TES: variants seen among roughly 807,000 people sequenced by gnomAD.
TES encodes the protein testin.
A neutral mutation model predicts 48.2 loss-of-function variants in TES; 41 were observed. That is an observed-to-expected ratio of 0.85 (90% CI 0.66 to 1.10). The LOEUF is 1.10. TES is among the 50% of genes least tolerant of loss of function. TES has a pLI of 0.00. For missense variants in TES, 463 were observed against 515.1 expected, an observed-to-expected ratio of 0.90 and a Z score of 0.98; for synonymous variants, 162 against 174.9, an observed-to-expected ratio of 0.93 and a Z score of 0.58.
At chr7:116,234,840 T>A (rs1461724937) in intron 2 of TES, among the ~76,000 whole-genome samples, 2 of 152,260 alleles carry the variant, frequency 1.3e-5, no homozygotes, top group Admixed American at 6.5e-5. Context: ...GTTGTTGGAT[T>A]TGCTTGCTGT....
intron 4 of TES, among the ~76,000 whole-genome samples, chr7:116,251,080 C>G (rs573789961): frequency 6.6e-6 from 1 of 152,090 alleles, no homozygotes; most frequent in Non-Finnish European, 1.5e-5. Flanking sequence ...AGTTAGCACA[C>G]CAACCAATAA....
In TES at chr7:116,234,635, C is replaced by T; in HGVS notation, c.113+16C>T. On this transcript the variant is annotated intron_variant, in intron 2 of 6. Coordinates refer to ENST00000358204, the MANE Select transcript of TES (RefSeq NM_015641.4). ...ACTTCTGGAGGTATTGTTTTGAAAA[C>T]TGCAACCACATTAGTAATTTATACT... The T allele has an allele frequency of 6.3e-7, 1 of 1,599,886 alleles. No individual in the cohort carries two copies. Among genetic ancestry groups the T allele is most frequent in the East Asian group, 2.2e-5 (1 of 44,778 alleles).
intron 2 of TES, among the ~76,000 whole-genome samples, chr7:116,236,249 T>C (rs1035021374): frequency 2.6e-5 from 4 of 152,166 alleles, no homozygotes; most frequent in Non-Finnish European, 5.9e-5. Flanking sequence ...CCTTACAATC[T>C]TATAATACAT....
rs556196208 is a variant in TES at position 116,250,409 on chromosome 7, A to C, written c.615A>C (p.Gln205His). 1 of 1,613,376 alleles carries C rather than the reference A, an allele frequency of 6.2e-7. No homozygotes were observed. Among genetic ancestry groups the C allele is most frequent in the East Asian group, 2.2e-5 (1 of 44,860 alleles). The change falls in exon 4 of 7, where the codon CAA becomes CAC. Residue 205 changes from glutamine (Q) to histidine (H), a missense_variant. By Grantham distance (24) the Gln-to-His change is conservative. Transcript: ENST00000358204. ...PCEMDAQGPK[Q>H]MNIPGGDRST... ...AGATGGATGCCCAAGGCCCCAAACA[A>C]ATGAACATTCCTGGAGGGGATAGAA...
At chr7:116,248,302 G>T (rs182258379) in intron 2 of TES, among the ~76,000 whole-genome samples, 24 of 152,146 alleles carry the variant, frequency 1.6e-4, no homozygotes, top group Admixed American at 1.2e-3. Context: ...TGTCCTTTTG[G>T]TGGAACAATG....
intron 1 of TES, among the ~76,000 whole-genome samples, chr7:116,217,160 T>C (rs1475739754): frequency 6.6e-6 from 1 of 152,184 alleles, no homozygotes; most frequent in Non-Finnish European, 1.5e-5. Flanking sequence ...CAGTACGCTA[T>C]GTTTCTAACA....
chr7:116,226,440 A>G (rs1188234991), intron 1 of TES, among the ~76,000 whole-genome samples: 1 of 152,140 alleles, frequency 6.6e-6, no homozygotes, highest in African/African-American at 2.4e-5. Flanking sequence ...GAAGAGGAGC[A>G]GAGGTTCAAG....
At chr7:116,216,934 A>G (rs1327492113) in intron 1 of TES, among the ~76,000 whole-genome samples, 3 of 152,092 alleles carry the variant, frequency 2.0e-5, no homozygotes, top group African/African-American at 7.2e-5. Flanking sequence ...TAAGGCTGTT[A>G]AAATAATTTT....
intron 1 of TES, among the ~76,000 whole-genome samples, chr7:116,219,917 CCTTA>C (rs1799537091): frequency 6.6e-6 from 1 of 152,072 alleles, no homozygotes; most frequent in African/African-American, 2.4e-5. Context: ...TTGCAGTATC[CCTTA>C]CTTGATATTT....
chr7:116,257,517 T>A lies in TES; in HGVS notation c.*35T>A, dbSNP rs751658255. The A allele has an allele frequency of 1.4e-6, 2 of 1,453,892 alleles. No homozygotes were observed. Among genetic ancestry groups the A allele is most frequent in the Non-Finnish European group, 1.8e-6 (2 of 1,093,574 alleles). 90.1% of individuals were successfully genotyped at this position (1,453,892 alleles called of 1,614,324 possible). On this transcript the variant is annotated 3_prime_UTR_variant, in exon 7 of 7. Transcript: ENST00000358204. ...ACCCAGAAGTATCGAGCCATAGCTA[T>A]CCAAAGTGGTCTGCATTTCTACTGT...
At chr7:116,248,369 C>A (rs915234152) in intron 2 of TES, among the ~76,000 whole-genome samples, 5 of 152,170 alleles carry the variant, frequency 3.3e-5, no homozygotes, top group African/African-American at 1.2e-4. Flanking sequence ...TGAGAAATCT[C>A]CAAACTGCTT....
intron 2 of TES, among the ~76,000 whole-genome samples, chr7:116,237,507 G>A (rs1047893788): frequency 2.0e-5 from 3 of 151,942 alleles, no homozygotes; most frequent in Non-Finnish European, 4.4e-5. Flanking sequence ...TATGATCCAA[G>A]TGCTTGATAC....
intron 2 of TES, among the ~76,000 whole-genome samples, chr7:116,242,947 C>A (rs977346929): frequency 2.6e-5 from 4 of 152,206 alleles, no homozygotes; most frequent in Non-Finnish European, 4.4e-5. Context: ...AAAACTAATG[C>A]AGTAAGTATG....
intron 2 of TES, among the ~76,000 whole-genome samples, chr7:116,242,644 A>G (rs1339828246): frequency 6.6e-6 from 1 of 152,102 alleles, no homozygotes; most frequent in African/African-American, 2.4e-5. Flanking sequence ...TATAATTAAT[A>G]ATGTATTATT....
intron 2 of TES, chr7:116,237,812 G>T: frequency 6.6e-6 from 1 of 152,252 alleles, no homozygotes; most frequent in Non-Finnish European, 1.5e-5. Flanking sequence ...TTCTCACCAC[G>T]TGCTCACATG....
At chr7:116,254,017 C>T (rs776894770) in intron 6 of TES, among the ~76,000 whole-genome samples, 10 of 152,072 alleles carry the variant, frequency 6.6e-5, no homozygotes, top group Admixed American at 3.9e-4. Context: ...TAATATTTCT[C>T]GCTTTGGGGT....
chr7:116,242,080 T>TTGTAAAA (rs1715856203), intron 2 of TES, among the ~76,000 whole-genome samples: 1 of 152,178 alleles, frequency 6.6e-6, no homozygotes, highest in East Asian at 1.9e-4. Flanking sequence ...AGAACATAGA[T>TTGTAAAA]TGTAAAAATT....
At position 116,252,322 on chromosome 7, in the gene TES, T is replaced by C. The variant is rs1800027767; in HGVS notation, c.923T>C (p.Ile308Thr). 2.5e-6 allele frequency: 4 copies of C among 1,602,044 alleles called. No homozygotes were observed. Among genetic ancestry groups the C allele is most frequent in the African/African-American group, 1.3e-5 (1 of 74,742 alleles). The change falls in exon 6 of 7, where the codon ATA (isoleucine) becomes ACA (threonine). Residue 308 changes from isoleucine to threonine, a missense_variant. Physicochemically the swap from Ile to Thr is moderately conservative, Grantham distance 89. Coordinates refer to ENST00000358204, the MANE Select transcript of TES (RefSeq NM_015641.4). ...TTATTTTTATCTTCTTCCTAGCTGA[T>C]ATTCAGCAATGAGTATACCCAGGCA... The part of the protein sequence containing the change: ...KPRCAGCDEL[I>T]FSNEYTQAEN...
chr7:116,222,378 A>C (rs1270068653), intron 1 of TES, among the ~76,000 whole-genome samples: 1 of 152,102 alleles, frequency 6.6e-6, no homozygotes, highest in Admixed American at 6.6e-5. Flanking sequence ...AGCCTCCTTC[A>C]GTGAAGCCCT....
Sources: gnomAD v4.1 joint callset for allele counts (sites outside exome capture counted in the v4.1 genomes callset) on GRCh38, gnomAD v4.1.1 for gene constraint, MANE v1.5 for transcripts, NCBI Gene and HGNC (gene_info 2026-07-23, HGNC 2026-07-21) for gene names.